Variants in PPP1R9A observed in about 807,000 individuals in gnomAD.
The protein encoded by PPP1R9A is protein phosphatase 1 regulatory subunit 9A, also known as neurabin-1.
Under a neutral mutation model 141.9 loss-of-function variants are expected in PPP1R9A, and 59 were observed. The ratio of observed to expected loss-of-function variants is 0.42; its 90% confidence interval spans 0.34 to 0.52. PPP1R9A has a LOEUF of 0.52. Ranked by LOEUF, PPP1R9A falls within the 20% of genes least tolerant of loss-of-function variation. PPP1R9A has a pLI of 0.10. For missense variants in PPP1R9A, 1,444 were observed against 1,611.9 expected (o/e 0.90, Z 1.78); for synonymous variants, 500 against 569.7 (o/e 0.88, Z 1.74).
At chr7:95,079,869 G>T (rs1783732274) in intron 2 of PPP1R9A, among the ~76,000 whole-genome samples, 1 of 152,148 alleles carries the variant, frequency 6.6e-6, no homozygotes, top group African/African-American at 2.4e-5. Context: ...TGCAGAAAAG[G>T]CCTTTGACAA....
chr7:95,242,022 A>T (rs1235221711), intron 8 of PPP1R9A, among the ~76,000 whole-genome samples: 1 of 152,138 alleles, frequency 6.6e-6, no homozygotes, highest in Non-Finnish European at 1.5e-5. Flanking sequence ...TTCAGATTAG[A>T]TTGTGATATT....
At chr7:94,978,239 T>A (rs1299227984) in intron 2 of PPP1R9A, among the ~76,000 whole-genome samples, 1 of 152,216 alleles carries the variant, frequency 6.6e-6, no homozygotes, top group Non-Finnish European at 1.5e-5. Context: ...TAAGGAATAA[T>A]CTAGGAGAGT....
intron 18 of PPP1R9A, 25 bp downstream of exon 18, chr7:95,286,350 G>A: frequency 1.2e-6 from 2 of 1,609,396 alleles, no homozygotes; most frequent in Non-Finnish European, 1.7e-6. Flanking sequence ...CTATGACAGA[G>A]CTGCTTTGTC....
intron 2 of PPP1R9A, among the ~76,000 whole-genome samples, chr7:95,007,383 G>T (rs1209218408): frequency 6.6e-6 from 1 of 152,120 alleles, no homozygotes; most frequent in East Asian, 1.9e-4. Flanking sequence ...CGCCCAATTT[G>T]TGACAAATAA....
chr7:95,233,093 A>C (rs1199388818), intron 8 of PPP1R9A, among the ~76,000 whole-genome samples: 2 of 152,220 alleles, frequency 1.3e-5, no homozygotes, highest in African/African-American at 4.8e-5. Context: ...AGCACTATTC[A>C]CAATAGCAAA....
chr7:95,190,216 T>C (rs950261141), intron 5 of PPP1R9A, among the ~76,000 whole-genome samples: 3 of 152,190 alleles, frequency 2.0e-5, no homozygotes, highest in Admixed American at 2.0e-4. Context: ...CCATGGGTGA[T>C]CCCTTGATGT....
chr7:94,969,049 T>C (rs1798566658), intron 2 of PPP1R9A, among the ~76,000 whole-genome samples: 1 of 152,114 alleles, frequency 6.6e-6, no homozygotes, highest in Non-Finnish European at 1.5e-5. Flanking sequence ...ATCTAACCTT[T>C]TTTCAAAGTT....
intron 7 of PPP1R9A, 92 bp downstream of exon 7, chr7:95,203,822 T>A: frequency 2.1e-6 from 2 of 955,792 alleles, no homozygotes; most frequent in South Asian, 1.7e-5. Context: ...ACTATCTGTA[T>A]GTTCTGAAGA....
At chr7:95,120,160 G>T (rs560394403) in intron 3 of PPP1R9A, among the ~76,000 whole-genome samples, 33 of 151,812 alleles carry the variant, frequency 2.2e-4, no homozygotes, top group African/African-American at 7.5e-4. Context: ...CTTTCACCAT[G>T]TTGCCAGGCT....
At chr7:95,159,925 CA>C (rs751687197) in intron 4 of PPP1R9A, among the ~76,000 whole-genome samples, 94 of 106,656 alleles carry the variant, frequency 8.8e-4, no homozygotes, top group Middle Eastern at 4.8e-3. Context: ...GACATTGTCT[CA>C]AAAAAAAAAA....
At chr7:95,044,743 AT>A (rs1280310184) in intron 2 of PPP1R9A, among the ~76,000 whole-genome samples, 4 of 145,056 alleles carry the variant, frequency 2.8e-5, no homozygotes, top group East Asian at 2.0e-4. Flanking sequence ...ATATATATAT[AT>A]TTTTTTGTAG....
chr7:95,089,748 T>C (rs1237309537), intron 2 of PPP1R9A, among the ~76,000 whole-genome samples: 1 of 151,408 alleles, frequency 6.6e-6, no homozygotes, highest in Non-Finnish European at 1.5e-5. Context: ...TTAAACTAAC[T>C]TATAATATTA....
rs180733523 is a variant in PPP1R9A at position 95,033,786 on chromosome 7, A to G, written c.1396-77473A>G. Among the ~76,000 whole-genome samples the G allele has an allele frequency of 1.9e-3, 292 of 152,034 alleles. 2 individuals are homozygous for G. Among genetic ancestry groups the G allele is most frequent in the African/African-American group, 6.6e-3 (273 of 41,462 alleles). On this transcript the variant is annotated intron_variant, in intron 2 of 19. Coordinates refer to ENST00000433360, the MANE Select transcript of PPP1R9A (RefSeq NM_001166160.2). The stretch of plus-strand genomic sequence containing the variant: ...AAAAGTCTGTCCTTTTTCTGCTTCT[A>G]TGAAGTGTGCCAGTTTTGTCTTAAA...
intron 2 of PPP1R9A, among the ~76,000 whole-genome samples, chr7:94,952,431 T>C (rs1005914769): frequency 2.0e-5 from 3 of 152,192 alleles, no homozygotes; most frequent in African/African-American, 7.2e-5. Flanking sequence ...CATGTGTCTT[T>C]ATAGTAGAAT....
intron 7 of PPP1R9A, among the ~76,000 whole-genome samples, chr7:95,214,519 T>C (rs78422786): frequency 1.3e-5 from 2 of 151,308 alleles, no homozygotes; most frequent in African/African-American, 4.9e-5. Context: ...AATCACAGTC[T>C]TTTTTTTTCA....
chr7:94,963,289 A>G (rs1222267264), intron 2 of PPP1R9A, among the ~76,000 whole-genome samples: 1 of 152,140 alleles, frequency 6.6e-6, no homozygotes, highest in Non-Finnish European at 1.5e-5. Context: ...CCCTTTCTTA[A>G]TGAGACTTTC....
At chr7:94,951,650 G>A (rs960436651) in intron 2 of PPP1R9A, among the ~76,000 whole-genome samples, 3 of 151,944 alleles carry the variant, frequency 2.0e-5, no homozygotes, top group Non-Finnish European at 4.4e-5. Context: ...GTCAATGGTT[G>A]TGAGTGAGAT....
intron 2 of PPP1R9A, among the ~76,000 whole-genome samples, chr7:95,048,410 ATATTAT>A (rs746242615): frequency 6.4e-4 from 97 of 152,224 alleles, no homozygotes; most frequent in Non-Finnish European, 1.2e-3. Context: ...AATAATAGAA[ATATTAT>A]TATAGCAGTG....
At chr7:94,960,594 A>C (rs1797526449) in intron 2 of PPP1R9A, among the ~76,000 whole-genome samples, 1 of 151,706 alleles carries the variant, frequency 6.6e-6, no homozygotes, top group Admixed American at 6.6e-5. Flanking sequence ...AGACTATTTA[A>C]TTTAAATTGA....
Sources: allele counts gnomAD v4.1 joint callset (sites outside exome capture counted in the v4.1 genomes callset), GRCh38; gene constraint gnomAD v4.1.1; transcripts MANE v1.5; gene names NCBI Gene and HGNC (gene_info 2026-07-23, HGNC 2026-07-21).